CPEB2: variants seen among roughly 807,000 people sequenced by gnomAD.
The protein encoded by CPEB2 is cytoplasmic polyadenylation element-binding protein 2.
Under a neutral mutation model 93.6 loss-of-function variants are expected in CPEB2, and 56 were observed. The ratio of observed to expected loss-of-function variants is 0.60; its 90% CI spans 0.48 to 0.75. The LOEUF is 0.75. Ranked by LOEUF, CPEB2 falls within the 30% of genes least tolerant of loss-of-function variation. CPEB2 has a pLI of 0.00. For missense variants in CPEB2, 1,579 were observed against 1,395.1 expected (o/e 1.13, Z -2.10); for synonymous variants, 764 against 586.3 (o/e 1.30, Z -4.38).
intron 1 of CPEB2, chr4:15,005,231 T>A (rs546540996): frequency 1.3e-5 from 2 of 152,384 alleles, no homozygotes; most frequent in African/African-American, 4.8e-5. Flanking sequence ...GTTTCTGTGC[T>A]TTTCAATGTT....
intron 6 of CPEB2, among the ~76,000 whole-genome samples, chr4:15,048,363 GA>G (rs1450503210): frequency 2.0e-5 from 3 of 151,842 alleles, no homozygotes; most frequent in Non-Finnish European, 4.4e-5. Context: ...TCTGTCGGAA[GA>G]TTTTTTTATT....
intron 3 of CPEB2, among the ~76,000 whole-genome samples, chr4:15,013,578 A>C (rs1421494029): frequency 6.6e-6 from 1 of 152,044 alleles, no homozygotes; most frequent in Admixed American, 6.6e-5. Flanking sequence ...AGAATGCATG[A>C]GTGTTTGTTT....
chr4:15,037,069 G>A (rs1726682796), intron 5 of CPEB2, among the ~76,000 whole-genome samples: 1 of 152,088 alleles, frequency 6.6e-6, no homozygotes, highest in African/African-American at 2.4e-5. Context: ...TTGGGAGGCC[G>A]AGGCAGGCAG....
At chr4:15,046,267 G>T (rs1464820143) in intron 6 of CPEB2, among the ~76,000 whole-genome samples, 1 of 152,002 alleles carries the variant, frequency 6.6e-6, no homozygotes, top group Non-Finnish European at 1.5e-5. Context: ...TGCTGCCCAG[G>T]CAGGCTGGAG....
intron 7 of CPEB2, 124 bp downstream of exon 7, chr4:15,052,708 A>G: frequency 3.9e-6 from 2 of 509,546 alleles, no homozygotes; most frequent in African/African-American, 2.0e-5. Context: ...ATTAGAATGC[A>G]TTTTCTTCTT....
chr4:15,007,274 G>A (rs1032750906), intron 1 of CPEB2, 31 bp from the exon 2 acceptor site: 16 of 1,401,050 alleles, frequency 1.1e-5, no homozygotes, highest in Non-Finnish European at 1.5e-5. Flanking sequence ...TTCTTTAAAT[G>A]CCGCAATTTA....
At position 15,007,398 on chromosome 4, in the gene CPEB2, C is replaced by T. The variant is rs1306439077; in HGVS notation, c.1756C>T (p.Arg586Cys). The stretch of plus-strand genomic sequence containing the variant: ...GGGAGCAATGCATGGCAGAGATCAT[C>T]GTAGAACCGGAAACATGGGAATCCC... ...SWGAMHGRDH[R>C]RTGNMGIPGT... The change falls in exon 2 of 12, where the codon CGT becomes TGT. Residue 586 changes from arginine (R) to cysteine (C), a missense_variant. Arg to Cys is a radical substitution (Grantham distance 180, BLOSUM62 -3). This residue lies in a region of CPEB2 where 1,411 missense variants were observed against 1,056.0 expected (regional missense o/e 1.34). Transcript: ENST00000538197. 1 of 1,613,834 alleles carries T rather than the reference C, an allele frequency of 6.2e-7. No individual in the cohort carries two copies. The highest frequency in any genetic ancestry group is 1.1e-5 in the South Asian group (1 of 91,016).
At chr4:15,048,093 T>C (rs180908687) in intron 6 of CPEB2, among the ~76,000 whole-genome samples, 37 of 152,132 alleles carry the variant, frequency 2.4e-4, no homozygotes, top group African/African-American at 8.9e-4. Flanking sequence ...TTAATCATGA[T>C]TTGTTTTCCA....
chr4:15,063,389 A>G (rs1729390389), intron 11 of CPEB2, among the ~76,000 whole-genome samples: 1 of 150,066 alleles, frequency 6.7e-6, no homozygotes, highest in South Asian at 2.1e-4. Flanking sequence ...AACTAAGAGG[A>G]GGTGCTCTGC....
At chr4:15,047,956 G>A (rs1490259201) in intron 6 of CPEB2, among the ~76,000 whole-genome samples, 1 of 149,626 alleles carries the variant, frequency 6.7e-6, no homozygotes, top group Non-Finnish European at 1.5e-5. Context: ...AGTTTTATCA[G>A]ATGCATTTCC....
At chr4:15,005,136 C>T (rs1276102167) in intron 1 of CPEB2, 1 of 152,228 alleles carries the variant, frequency 6.6e-6, no homozygotes, top group Admixed American at 6.5e-5. Context: ...CCCGCGGGGC[C>T]GCCTCCTTGG....
At chr4:15,044,921 T>C (rs980268819) in intron 6 of CPEB2, among the ~76,000 whole-genome samples, 2 of 152,194 alleles carry the variant, frequency 1.3e-5, no homozygotes, top group African/African-American at 4.8e-5. Flanking sequence ...TCATCTATAA[T>C]CTTTATTATA....
chr4:15,003,242 C>G lies in CPEB2; in HGVS notation c.569C>G (p.Pro190Arg). The change falls in exon 1 of 12, where the codon CCT (proline) becomes CGT (arginine). Residue 190 changes from proline (P) to arginine (R), a missense_variant. Pro to Arg is a moderately radical substitution (Grantham distance 103). Around this residue, in one of 2 missense-constraint regions of CPEB2, gnomAD observed 1,411 missense variants for 1,056.0 expected, o/e 1.34. Transcript: ENST00000538197. ...TTCAGCCCTCCCCACCTTCCCCACC[C>G]TCCGGACTCGAAGCCGCCGCCGCCG... is the stretch of plus-strand genomic sequence containing the variant. ...KEFSPPHLPH[P>R]PDSKPPPPPP... The G allele has an allele frequency of 2.0e-6, 3 of 1,525,704 alleles. No individual in the cohort carries two copies. Among genetic ancestry groups the G allele is most frequent in the East Asian group, 5.0e-5 (2 of 39,620 alleles). 94.5% of individuals were successfully genotyped at this position (1,525,704 alleles called of 1,614,324 possible).
At chr4:15,008,109 C>A (rs563389083) in intron 2 of CPEB2, among the ~76,000 whole-genome samples, 1 of 151,962 alleles carries the variant, frequency 6.6e-6, no homozygotes, top group Non-Finnish European at 1.5e-5. Context: ...TGGCCTAATA[C>A]GTTGATTAGA....
intron 8 of CPEB2, 101 bp from the exon 9 acceptor site, chr4:15,058,320 T>C: frequency 2.9e-6 from 2 of 692,158 alleles, no homozygotes; most frequent in Non-Finnish European, 5.1e-6. Flanking sequence ...TTTGATAGTT[T>C]GTTTTTTTTT....
chr4:15,068,943 A>G lies in CPEB2; in HGVS notation c.*2563A>G, dbSNP rs1382445956. The G allele has an allele frequency of 6.7e-6, 1 of 149,720 alleles. No homozygotes were observed. The highest frequency in any genetic ancestry group is 1.5e-5 in the Non-Finnish European group (1 of 67,070). The allele number at this position is 149,720 out of a possible 1,614,324, so 9.3% of individuals were successfully genotyped here. ...TTTGTTTTTGCCCTTTATGTACTAC[A>G]TTCTTATTTTCTAACTTTTAAACAC... On this transcript the variant is annotated 3_prime_UTR_variant, in exon 12 of 12. Transcript: ENST00000538197.
chr4:15,055,233 G>A (rs1207895861), intron 8 of CPEB2, among the ~76,000 whole-genome samples: 1 of 152,148 alleles, frequency 6.6e-6, no homozygotes, highest in Non-Finnish European at 1.5e-5. Flanking sequence ...GATTCTATAT[G>A]TATGTAGGGA....
At position 15,013,256 on chromosome 4, in the gene CPEB2, A is replaced by T. The variant is rs144355202; in HGVS notation, c.2035-3932A>T. 2.7e-3 allele frequency among the ~76,000 whole-genome samples: 411 copies of T among 152,070 alleles called. 3 individuals carry two copies. The highest frequency in any genetic ancestry group is 8.2e-3 in the African/African-American group (341 of 41,554). Reference sequence around the variant, plus strand: ...TTCTAATCATTTTATTCTGTTAGTTATTGTGAGATTCTGTAATCTGTTTCT... The same window carrying T: ...TTCTAATCATTTTATTCTGTTAGTTTTTGTGAGATTCTGTAATCTGTTTCT... On this transcript the variant is annotated intron_variant, in intron 3 of 11. Transcript: ENST00000538197.
chr4:15,048,224 T>C (rs1727898059), intron 6 of CPEB2, among the ~76,000 whole-genome samples: 1 of 152,104 alleles, frequency 6.6e-6, no homozygotes, highest in Admixed American at 6.5e-5. Flanking sequence ...AGTATTGCAC[T>C]TGTAAAAAAA....
Sources: gnomAD v4.1 joint callset for allele counts (sites outside exome capture counted in the v4.1 genomes callset) on GRCh38, gnomAD v4.1.1 for gene constraint, gnomAD v4.1.1 regional missense constraint, MANE v1.5 for transcripts, NCBI Gene and HGNC (gene_info 2026-07-23, HGNC 2026-07-21) for gene names.